Variants in TLE3 observed in about 807,000 individuals in gnomAD.
TLE3 encodes TLE family member 3, transcriptional corepressor, also known as transducin-like enhancer protein 3.
TLE3 carries 14 observed loss-of-function variants against 93.0 expected under a neutral mutation model. The ratio of observed to expected loss-of-function variants is 0.15; its 90% confidence interval spans 0.10 to 0.24. TLE3 has a LOEUF of 0.24. Among genes scored for constraint, TLE3 ranks in the 10% least tolerant of loss-of-function variants. The probability of loss-of-function intolerance (pLI) is 1.00; values close to 1 mark genes in which losing one functional copy is unlikely to be tolerated. For missense variants in TLE3, 693 were observed against 1,046.6 expected (o/e 0.66, Z 4.66); for synonymous variants, 451 against 425.0 (o/e 1.06, Z -0.75).
intron 2 of TLE3, 82 bp downstream of exon 2, chr15:70,096,079 C>A: frequency 6.8e-7 from 1 of 1,468,542 alleles, no homozygotes; most frequent in South Asian, 1.3e-5. Context: ...GGAGCCCCCT[C>A]CGTCCCCGCG....
chr15:70,082,434 G>A (rs2057824121), intron 4 of TLE3, among the ~76,000 whole-genome samples: 1 of 152,136 alleles, frequency 6.6e-6, no homozygotes, highest in African/African-American at 2.4e-5. Flanking sequence ...AAGAAGGGGA[G>A]GAGGGTCAAC....
chr15:70,065,259 A>G (rs1193150056), intron 7 of TLE3, among the ~76,000 whole-genome samples: 2 of 152,234 alleles, frequency 1.3e-5, no homozygotes, highest in Admixed American at 6.5e-5. Flanking sequence ...ATTTGGCACC[A>G]ATTTTTGAAA....
chr15:70,055,468 G>A, intron 14 of TLE3, 170 bp from the exon 15 acceptor site: 5 of 799,100 alleles, frequency 6.3e-6, no homozygotes, highest in South Asian at 2.3e-5. Context: ...TGGCTCCATC[G>A]AGGTAGACAT....
chr15:70,081,302 A>G lies in TLE3; in HGVS notation c.235-5144T>C, dbSNP rs558029870. Among the ~76,000 whole-genome samples, 54 of 152,356 alleles carry G rather than the reference A, an allele frequency of 3.5e-4. No homozygotes were observed. In the South Asian group the frequency reaches 0.011, roughly 31 times the overall value. ...TGGCGTGCAGCTTATCATTTCCTCC[A>G]TAAAACAGAGCATCACATGAATTTA... On this transcript the variant is annotated intron_variant, in intron 4 of 19. Transcript: ENST00000451782.
At chr15:70,065,212 C>T (rs1047844045) in intron 7 of TLE3, among the ~76,000 whole-genome samples, 2 of 152,238 alleles carry the variant, frequency 1.3e-5, no homozygotes, top group Non-Finnish European at 2.9e-5. Flanking sequence ...GTGTTGGCTA[C>T]GTGCCCCAGT....
At chr15:70,077,788 T>G (rs2057523575) in intron 4 of TLE3, among the ~76,000 whole-genome samples, 1 of 152,232 alleles carries the variant, frequency 6.6e-6, no homozygotes, top group African/African-American at 2.4e-5. Context: ...GAGTCAGTGT[T>G]TCCCAGCCAG....
intron 8 of TLE3, among the ~76,000 whole-genome samples, chr15:70,062,765 G>A (rs1300290366): frequency 1.3e-5 from 2 of 150,468 alleles, no homozygotes; most frequent in Admixed American, 6.6e-5. Flanking sequence ...AGTCTACACC[G>A]CCGCTGACAC....
At position 70,097,597 on chromosome 15, in the gene TLE3, G is replaced by C; in HGVS notation, c.-799C>G. 2.5e-6 allele frequency: 1 copy of C among 398,516 alleles called. No homozygotes were observed. The highest frequency in any genetic ancestry group is 4.4e-6 in the Non-Finnish European group (1 of 225,928). 24.7% of individuals were successfully genotyped at this position (398,516 alleles called of 1,614,324 possible). A position where few individuals can be genotyped will look rare whatever the true frequency, so the allele number is the denominator to read the frequency against. ...AAAGGGTTCTCGCTGCTCCCAGCTT[G>C]AGCACCGCGTCCCCACCGAGGAGCG... On this transcript the variant is annotated 5_prime_UTR_variant, in exon 1 of 20. Coordinates refer to ENST00000451782, the MANE Select transcript of TLE3 (RefSeq NM_001105192.3).
At chr15:70,072,527 G>A (rs540036056) in intron 6 of TLE3, among the ~76,000 whole-genome samples, 22 of 152,350 alleles carry the variant, frequency 1.4e-4, no homozygotes, top group African/African-American at 5.3e-4. Flanking sequence ...ACCAAGCTGA[G>A]AGCTGGTCAC....
At chr15:70,095,284 C>T in intron 3 of TLE3, 1 of 1,318,258 alleles carries the variant, frequency 7.6e-7, no homozygotes, top group Non-Finnish European at 9.7e-7. Context: ...CAATGGCAAT[C>T]AGCCCCTGGG....
chr15:70,056,777 T>G (rs2056071432), intron 13 of TLE3, among the ~76,000 whole-genome samples: 1 of 152,204 alleles, frequency 6.6e-6, no homozygotes, highest in South Asian at 2.1e-4. Context: ...TTTTTATTTT[T>G]TTGAGATGGA....
intron 15 of TLE3, 117 bp downstream of exon 15, chr15:70,054,932 C>T: frequency 7.0e-7 from 1 of 1,427,264 alleles, no homozygotes; most frequent in Non-Finnish European, 9.2e-7. Flanking sequence ...GTCAGCTTGC[C>T]TAAAGTTGCT....
Position 70,058,804 on chromosome 15 carries a change from C to A in TLE3, c.777G>T (p.Thr259=), listed in dbSNP as rs775427350. 5.1e-6 allele frequency: 8 copies of A among 1,583,292 alleles called. No homozygotes were observed. Among genetic ancestry groups the A allele is most frequent in the Non-Finnish European group, 6.0e-6 (7 of 1,166,958 alleles). ...VVDVSNEDPA[T]PRVSPAHSPP... ...GGGAGTGTGCCGGGCTGACCCGGGG[C>A]GTTGCGGGGTCCTGAAAACACAAGT... The change falls in exon 11 of 20, where the codon ACG becomes ACT. Residue 259 remains threonine, a synonymous_variant. Coordinates refer to ENST00000451782, the MANE Select transcript of TLE3 (RefSeq NM_001105192.3). The surrounding 1 kb of genome is among the most constrained non-coding windows in gnomAD (Gnocchi z 4.1).
chr15:70,063,418 T>C (rs1269918211), intron 8 of TLE3, among the ~76,000 whole-genome samples: 3 of 152,152 alleles, frequency 2.0e-5, no homozygotes, highest in South Asian at 4.1e-4. Flanking sequence ...TTTCTGAGCA[T>C]GTAGGCGGGT....
rs2055909920 is a variant in TLE3 at position 70,055,160 on chromosome 15, C to T, written c.1467G>A (p.Val489=). 6.2e-7 allele frequency: 1 copy of T among 1,614,040 alleles called. No individual in the cohort carries two copies. The highest frequency in any genetic ancestry group is 8.5e-7 in the Non-Finnish European group (1 of 1,180,026). ...TLSHGEVVCA[V]TISNPTRHVY... ...CGTGCCTCGTGGGGTTGCTGATGGT[C>T]ACGGCACACACCACCTCCCCGTGGC... The change falls in exon 15 of 20, where the codon GTG becomes GTA. Residue 489 remains valine, a synonymous_variant. Coordinates refer to ENST00000451782, the MANE Select transcript of TLE3 (RefSeq NM_001105192.3).
At chr15:70,087,249 T>TCA (rs2058077639) in intron 4 of TLE3, among the ~76,000 whole-genome samples, 1 of 152,118 alleles carries the variant, frequency 6.6e-6, no homozygotes, top group African/African-American at 2.4e-5. Flanking sequence ...AGCACAGGCC[T>TCA]CACCTCCCCA....
rs745756225 is a variant in TLE3, at chr15:70,054,629, G to A, written c.1635C>T (p.Ile545=). Reference sequence around the variant, plus strand: ...TGAGCGTGCTGGCCTCGCCGCCCACGATGAGCGTGCGCCCATCAGGGAGCA... The same window carrying A: ...TGAGCGTGCTGGCCTCGCCGCCCACAATGAGCGTGCGCCCATCAGGGAGCA... ...CKLLPDGRTL[I]VGGEASTLTI... The change falls in exon 16 of 20, where the codon ATC becomes ATT. Residue 545 remains isoleucine, a synonymous_variant. Transcript: ENST00000451782. The A allele has an allele frequency of 3.8e-5, 61 of 1,611,492 alleles. No homozygotes were observed. In the South Asian group the frequency reaches 4.0e-4, roughly 10 times the overall value.
At chr15:70,090,779 C>A (rs1017601373) in intron 4 of TLE3, among the ~76,000 whole-genome samples, 3 of 152,162 alleles carry the variant, frequency 2.0e-5, no homozygotes, top group African/African-American at 7.2e-5. Context: ...TATTATTACA[C>A]ACATCAAATC....
chr15:70,085,294 A>G (rs1451155749), intron 4 of TLE3, among the ~76,000 whole-genome samples: 1 of 152,236 alleles, frequency 6.6e-6, no homozygotes, highest in Non-Finnish European at 1.5e-5. Flanking sequence ...CCTCTTAGCC[A>G]TGAAGACAAA....
Sources: gnomAD v4.1 joint callset for allele counts (sites outside exome capture counted in the v4.1 genomes callset) on GRCh38, gnomAD v4.1.1 for gene constraint, Gnocchi (gnomAD v3.1) non-coding constraint, MANE v1.5 for transcripts, NCBI Gene and HGNC (gene_info 2026-07-23, HGNC 2026-07-21) for gene names.